The following LRP1 variants were observed in gnomAD, a reference collection of about 807,000 sequenced individuals.
LRP1 encodes the protein prolow-density lipoprotein receptor-related protein 1.
In LRP1, 51 loss-of-function variants were observed where a neutral mutation model predicts 541.5. The observed-to-expected ratio is 0.09, with a 90% CI of 0.08 to 0.12. LRP1 has a LOEUF of 0.12. Ranked by LOEUF, LRP1 falls within the 10% of genes least tolerant of loss-of-function variation. The pLI is 1.00. For missense variants in LRP1, 3,878 were observed against 6,376.2 expected, an observed-to-expected ratio of 0.61 and a Z score of 13.34; for synonymous variants, 2,219 against 2,470.8, an observed-to-expected ratio of 0.90 and a Z score of 3.02.
chr12:57,196,908 C>T, intron 55 of LRP1, 74 bp from the exon 56 acceptor site: 1 of 1,341,764 alleles, frequency 7.5e-7, no homozygotes, highest in Middle Eastern at 2.5e-4. Context: ...GAATTGGAGT[C>T]TCTGAGCCAG....
intron 2 of LRP1, 80 bp from the exon 3 acceptor site, chr12:57,141,294 T>C: frequency 6.5e-7 from 1 of 1,546,896 alleles, no homozygotes; most frequent in Non-Finnish European, 8.8e-7. Context: ...CAGTTTTATC[T>C]CCCCTCATCC....
chr12:57,156,850 C>T lies in LRP1; in HGVS notation c.1491C>T (p.Asn497=). 1 of 1,603,822 alleles carries T rather than the reference C, an allele frequency of 6.2e-7. No homozygotes were observed. The highest frequency in any genetic ancestry group is 8.5e-7 in the Non-Finnish European group (1 of 1,177,738). ...GGCSDICLLA[N]SHKARTCRCR... ...GCTCTGACATCTGCCTGCTGGCCAA[C>T]AGCCACAAGGCGCGGACCTGCCGCT... The change falls in exon 10 of 89, where the codon AAC becomes AAT. Residue 497 remains asparagine, a synonymous_variant. Transcript: ENST00000243077. This position sits in a 1 kb window ranked among gnomAD's most constrained non-coding sequence, Gnocchi z 5.2.
Position 57,178,959 on chromosome 12 carries a change from G to A in LRP1, c.4676G>A (p.Arg1559Gln), listed in dbSNP as rs139292641. The A allele has an allele frequency of 6.6e-5, 107 of 1,614,008 alleles. No homozygotes were observed. In the African/African-American group the frequency reaches 7.5e-4, roughly 11 times the overall value. Reference protein sequence around the residue: ...CSHLCLINYNRTVSCACPHLM... With the variant: ...CSHLCLINYNQTVSCACPHLM... ...CACCTGTGTCTCATCAACTACAACCGGACCGTGTCCTGCGCCTGCCCCCAC... is the reference window on the plus strand; with the variant it reads ...CACCTGTGTCTCATCAACTACAACCAGACCGTGTCCTGCGCCTGCCCCCAC... Residue 1559 changes from arginine (R) to glutamine (Q), a missense_variant, in exon 28 of 89, where the codon CGG (arginine) becomes CAG (glutamine). Arg to Gln is a conservative substitution (Grantham distance 43). This residue lies in a region of LRP1 where 394 missense variants were observed against 635.9 expected (regional missense o/e 0.62). Coordinates refer to ENST00000243077, the MANE Select transcript of LRP1 (RefSeq NM_002332.3). This position sits in a 1 kb window ranked among gnomAD's most constrained non-coding sequence, Gnocchi z 5.8.
In LRP1 at chr12:57,162,560, G is replaced by C; in HGVS notation, c.2404+42G>C. ...GGGGGCAGCGTGGGACCTGGAAGGG[G>C]TGGTGGGACTTAGGCATTGATTTGA... On this transcript the variant is annotated intron_variant, in intron 14 of 88. Transcript: ENST00000243077. The surrounding 1 kb of genome is among the most constrained non-coding windows in gnomAD (Gnocchi z 5.2). 1.2e-6 allele frequency: 2 copies of C among 1,606,620 alleles called. No individual in the cohort carries two copies. The highest frequency in any genetic ancestry group is 1.7e-6 in the Non-Finnish European group (2 of 1,175,550).
Position 57,169,219 on chromosome 12 carries a change from G to A in LRP1, c.3075G>A (p.Gly1025=), listed in dbSNP as rs1257891747. The A allele has an allele frequency of 1.2e-6, 2 of 1,613,708 alleles. No homozygotes were observed. Among genetic ancestry groups the A allele is most frequent in the African/African-American group, 2.7e-5 (2 of 74,928 alleles). The change falls in exon 20 of 89, where the codon GGG becomes GGA. Residue 1025 remains glycine (G), a synonymous_variant. Coordinates refer to ENST00000243077, the MANE Select transcript of LRP1 (RefSeq NM_002332.3). ...GCACCCAGTTCAAGTGCAACAGCGG[G>A]CGTTGCATCCCCGAGCACTGGACCT... ...CSSTQFKCNS[G]RCIPEHWTCD...
At position 57,190,896 on chromosome 12, in the gene LRP1, G is replaced by C; in HGVS notation, c.7123G>C (p.Asp2375His). 2 of 1,613,878 alleles carry C rather than the reference G, an allele frequency of 1.2e-6. No individual in the cohort carries two copies. Among genetic ancestry groups the C allele is most frequent in the Non-Finnish European group, 1.7e-6 (2 of 1,180,002 alleles). ...CAATGTCCTGACCCTTATCGAGAAG[G>C]ACATCCGTACCCCCAATGGCCTGGC... ...GANVLTLIEK[D>H]IRTPNGLAID... Residue 2375 changes from aspartate (D) to histidine (H), a missense_variant, in exon 43 of 89, where the codon GAC (aspartate) becomes CAC (histidine). Around this residue, in one of 13 missense-constraint regions of LRP1, gnomAD observed 1,100 missense variants for 1,827.4 expected, o/e 0.60. Transcript: ENST00000243077.
At chr12:57,145,955 A>G (rs921474110) in intron 6 of LRP1, among the ~76,000 whole-genome samples, 1 of 150,290 alleles carries the variant, frequency 6.7e-6, no homozygotes, top group African/African-American at 2.5e-5. Context: ...TTGCCAATGG[A>G]CTCTCTGCTG....
intron 20 of LRP1, among the ~76,000 whole-genome samples, chr12:57,171,549 G>A (rs900650415): frequency 1.3e-5 from 2 of 152,176 alleles, no homozygotes; most frequent in African/African-American, 4.8e-5. Flanking sequence ...TAAATCGTGA[G>A]AGGCTTGATT....
Position 57,197,332 on chromosome 12 carries a change from A to G in LRP1, c.9110A>G (p.Tyr3037Cys). The G allele has an allele frequency of 6.2e-7, 1 of 1,614,136 alleles. No homozygotes were observed. Among genetic ancestry groups the G allele is most frequent in the Non-Finnish European group, 8.5e-7 (1 of 1,179,998 alleles). ...EEPFLIFANR[Y>C]YLRKLNLDGS... ...CCGTTTCTGATCTTCGCCAACCGGT[A>G]CTACCTGCGCAAGCTCAACCTGGAC... The change falls in exon 57 of 89, where the codon TAC becomes TGC. Residue 3037 changes from tyrosine (Y) to cysteine (C), a missense_variant. Tyr to Cys is a radical substitution (Grantham distance 194). Coordinates refer to ENST00000243077, the MANE Select transcript of LRP1 (RefSeq NM_002332.3). The surrounding 1 kb of genome is among the most constrained non-coding windows in gnomAD (Gnocchi z 4.5).
intron 4 of LRP1, among the ~76,000 whole-genome samples, chr12:57,144,140 C>G (rs1045682716): frequency 6.6e-6 from 1 of 152,004 alleles, no homozygotes; most frequent in Admixed American, 6.6e-5. Flanking sequence ...TCAGTTTGCT[C>G]TCTCTCTTTC....
chr12:57,149,353 G>T, intron 6 of LRP1: 1 of 479,774 alleles, frequency 2.1e-6, no homozygotes, highest in South Asian at 3.5e-5. Flanking sequence ...GCTCACTCTT[G>T]CTCCTCCTCT....
chr12:57,169,353 G>A (rs763922606), intron 20 of LRP1, 46 bp downstream of exon 20: 3 of 1,526,306 alleles, frequency 2.0e-6, no homozygotes, highest in South Asian at 1.2e-5. Context: ...CGAGCCCCCT[G>A]CATCAGACAC....
At chr12:57,155,210 G>A (rs2035595998) in intron 8 of LRP1, 1 of 223,938 alleles carries the variant, frequency 4.5e-6, no homozygotes, top group Admixed American at 5.1e-5. Context: ...CCTTACCTTT[G>A]TCTTAGGCAA....
chr12:57,174,686 A>G (rs1592631695), intron 22 of LRP1, among the ~76,000 whole-genome samples: 2 of 152,130 alleles, frequency 1.3e-5, no homozygotes, highest in South Asian at 4.1e-4. Context: ...ACTCGCTTGA[A>G]CCTGGGAGGC....
intron 1 of LRP1, among the ~76,000 whole-genome samples, chr12:57,133,208 G>A (rs1333493219): frequency 6.6e-6 from 1 of 152,038 alleles, no homozygotes; most frequent in Non-Finnish European, 1.5e-5. Flanking sequence ...GTGTGTGGCT[G>A]GGGTGGGGGG....
chr12:57,174,107 A>C, intron 22 of LRP1, 127 bp downstream of exon 22: 1 of 952,802 alleles, frequency 1.0e-6, no homozygotes, highest in Non-Finnish European at 1.6e-6. Flanking sequence ...AGCAGCACCC[A>C]GAGTGGTCAC....
intron 43 of LRP1, 134 bp downstream of exon 43, chr12:57,191,143 C>A: frequency 8.9e-7 from 1 of 1,119,886 alleles, no homozygotes; most frequent in African/African-American, 1.5e-5. Flanking sequence ...CAGGCCCCAG[C>A]CTCGGTCAAC....
chr12:57,175,332 A>G (rs2036020895), intron 22 of LRP1, 128 bp from the exon 23 acceptor site: 1 of 1,097,122 alleles, frequency 9.1e-7, no homozygotes, highest in Non-Finnish European at 1.3e-6. Flanking sequence ...AATGGAGACG[A>G]ATGGGGCCGT....
rs2136727372 is a variant in LRP1 at position 57,194,221 on chromosome 12, G to A, written c.7919-133G>A. 5 of 1,121,642 alleles carry A rather than the reference G, an allele frequency of 4.5e-6. No individual in the cohort carries two copies. The East Asian group carries it at 1.0e-4, about 23-fold the overall frequency. 69.5% of individuals were successfully genotyped at this position (1,121,642 alleles called of 1,614,324 possible). A position where few individuals can be genotyped will look rare whatever the true frequency, so the allele number is the denominator to read the frequency against. On this transcript the variant is annotated intron_variant, in intron 48 of 88. Transcript: ENST00000243077. ...CGAGAGGGGGCAGTGAGCAGATGGT[G>A]CAGACAGTGCCCCACCAGAAGGGCA...
Sources: allele counts gnomAD v4.1 joint callset (sites outside exome capture counted in the v4.1 genomes callset), GRCh38; gene constraint gnomAD v4.1.1; regional missense constraint gnomAD v4.1.1; non-coding constraint Gnocchi (gnomAD v3.1); transcripts MANE v1.5; gene names NCBI Gene and HGNC (gene_info 2026-07-23, HGNC 2026-07-21).